Variants in SETBP1 observed in about 807,000 individuals in gnomAD.
The protein encoded by SETBP1 is SET-binding protein.
SETBP1 carries 9 observed loss-of-function variants against 101.0 expected under a neutral mutation model. The observed-to-expected ratio is 0.09, with a 90% CI of 0.05 to 0.16. The LOEUF (loss-of-function observed/expected upper bound fraction) is 0.16, where lower values mean the gene tolerates loss of function less well. Among genes scored for constraint, SETBP1 ranks in the 10% least tolerant of loss-of-function variants. The pLI is 1.00. For missense variants in SETBP1, 1,858 were observed against 2,033.8 expected (o/e 0.91, Z 1.66); for synonymous variants, 818 against 788.5 (o/e 1.04, Z -0.63).
chr18:44,951,023 A>G lies in SETBP1; in HGVS notation c.1683A>G (p.Ala561=). ...AACTGATGCTGGAGCCCCCGTCTGC[A>G]TATCCCATCACCCCATCCAGCCCTC... ...SDKLMLEPPS[A]YPITPSSPLY... The change falls in exon 4 of 6, where the codon GCA becomes GCG. Residue 561 remains alanine, a synonymous_variant. Transcript: ENST00000649279. The surrounding 1 kb of genome is among the most constrained non-coding windows in gnomAD (Gnocchi z 7.8). The G allele has an allele frequency of 6.2e-7, 1 of 1,613,992 alleles. No individual in the cohort carries two copies. The highest frequency in any genetic ancestry group is 8.5e-7 in the Non-Finnish European group (1 of 1,180,022).
intron 4 of SETBP1, among the ~76,000 whole-genome samples, chr18:45,020,646 A>G (rs1489937104): frequency 1.3e-5 from 2 of 152,208 alleles, no homozygotes; most frequent in African/African-American, 4.8e-5. Flanking sequence ...GACAAAAAGC[A>G]GTAACATGCT....
chr18:45,023,032 T>A (rs867857362), intron 4 of SETBP1, among the ~76,000 whole-genome samples: 1 of 152,144 alleles, frequency 6.6e-6, no homozygotes, highest in Non-Finnish European at 1.5e-5. Flanking sequence ...CAGTAGCTTG[T>A]AGAACTGTGA....
At chr18:44,934,901 T>C (rs971167925) in intron 3 of SETBP1, among the ~76,000 whole-genome samples, 5 of 152,188 alleles carry the variant, frequency 3.3e-5, no homozygotes, top group African/African-American at 1.2e-4. Flanking sequence ...TGCCACACTA[T>C]CTTCAGCAGG....
At chr18:44,827,520 T>C (rs1456106270) in intron 2 of SETBP1, among the ~76,000 whole-genome samples, 1 of 152,232 alleles carries the variant, frequency 6.6e-6, no homozygotes, top group African/African-American at 2.4e-5. Context: ...TTGCAACATA[T>C]ACATCTTCAC....
At chr18:44,980,966 G>T (rs1353892298) in intron 4 of SETBP1, among the ~76,000 whole-genome samples, 1 of 152,118 alleles carries the variant, frequency 6.6e-6, no homozygotes, top group Non-Finnish European at 1.5e-5. Flanking sequence ...AGAAAGAATT[G>T]CATTAAATCA....
intron 2 of SETBP1, among the ~76,000 whole-genome samples, chr18:44,711,938 T>A (rs2069357239): frequency 1.3e-5 from 2 of 152,156 alleles, no homozygotes. Flanking sequence ...TGCATTTCTC[T>A]CTGAATTCCC....
intron 2 of SETBP1, among the ~76,000 whole-genome samples, chr18:44,747,544 G>T (rs1021485634): frequency 6.6e-6 from 1 of 152,250 alleles, no homozygotes; most frequent in African/African-American, 2.4e-5. Context: ...TCCAGAGCTT[G>T]CTCTACTTTT....
chr18:44,729,580 G>C (rs995529056), intron 2 of SETBP1, among the ~76,000 whole-genome samples: 1 of 152,208 alleles, frequency 6.6e-6, no homozygotes. Flanking sequence ...AAGTCAATGT[G>C]ATTCCTGTTG....
At chr18:44,818,275 G>A (rs936987366) in intron 2 of SETBP1, among the ~76,000 whole-genome samples, 3 of 152,032 alleles carry the variant, frequency 2.0e-5, no homozygotes, top group Non-Finnish European at 4.4e-5. Flanking sequence ...TATTCATGTC[G>A]AGATTTAGAG....
intron 3 of SETBP1, among the ~76,000 whole-genome samples, chr18:44,906,826 A>C (rs2070186364): frequency 6.6e-6 from 1 of 152,036 alleles, no homozygotes; most frequent in African/African-American, 2.4e-5. Context: ...ATGCTCTTAA[A>C]CCCTTTTTTG....
chr18:44,708,185 C>T (rs2069262373), intron 2 of SETBP1, among the ~76,000 whole-genome samples: 1 of 152,122 alleles, frequency 6.6e-6, no homozygotes, highest in Non-Finnish European at 1.5e-5. Context: ...AGCCTTCTAC[C>T]CTCCTGGTGG....
chr18:45,038,446 C>CT (rs778633014), intron 4 of SETBP1, 39 bp from the exon 5 acceptor site: 1 of 1,603,532 alleles, frequency 6.2e-7, no homozygotes, highest in South Asian at 1.1e-5. Context: ...TTCCTGTTCC[C>CT]TTAAAGTGAC....
At chr18:44,896,389 G>A (rs1198452523) in intron 3 of SETBP1, among the ~76,000 whole-genome samples, 4 of 152,106 alleles carry the variant, frequency 2.6e-5, no homozygotes, top group African/African-American at 9.7e-5. Flanking sequence ...TTCATCATTA[G>A]TCTCTTCCTG....
chr18:44,889,346 A>G (rs929577071), intron 3 of SETBP1, among the ~76,000 whole-genome samples: 3 of 152,166 alleles, frequency 2.0e-5, no homozygotes, highest in African/African-American at 7.2e-5. Context: ...CTACCATCAG[A>G]GCCTTATTTA....
chr18:44,968,538 C>T (rs1176595525), intron 4 of SETBP1, among the ~76,000 whole-genome samples: 1 of 152,132 alleles, frequency 6.6e-6, no homozygotes, highest in African/African-American at 2.4e-5. Context: ...AGTAGTAGGC[C>T]TTGAGAGGGC....
Position 44,833,973 on chromosome 18 carries a change from T to C in SETBP1, c.487-35257T>C, listed in dbSNP as rs149743370. 3.9e-5 allele frequency among the ~76,000 whole-genome samples: 6 copies of C among 152,290 alleles called. No homozygotes were observed. The East Asian group carries it at 1.2e-3, about 29-fold the overall frequency. On this transcript the variant is annotated intron_variant, in intron 2 of 5. Transcript: ENST00000649279. Reference sequence around the variant, plus strand: ...GTTCTGCATAAGAAATGATTGAAAATTTTAACGTAGGTGTGGGCAGAGTAG... The same window carrying C: ...GTTCTGCATAAGAAATGATTGAAAACTTTAACGTAGGTGTGGGCAGAGTAG...
At chr18:44,902,835 G>C (rs1568208977) in intron 3 of SETBP1, among the ~76,000 whole-genome samples, 1 of 151,860 alleles carries the variant, frequency 6.6e-6, no homozygotes, top group Admixed American at 6.6e-5. Context: ...TGAAAATATG[G>C]ATCTCAAAAA....
intron 2 of SETBP1, among the ~76,000 whole-genome samples, chr18:44,828,632 C>T (rs1228103646): frequency 6.6e-6 from 1 of 152,214 alleles, no homozygotes; most frequent in East Asian, 1.9e-4. Flanking sequence ...GAAGCTTCTG[C>T]TGACTTGTGC....
At chr18:45,029,423 T>C (rs1025477501) in intron 4 of SETBP1, among the ~76,000 whole-genome samples, 3 of 152,138 alleles carry the variant, frequency 2.0e-5, no homozygotes, top group Non-Finnish European at 4.4e-5. Flanking sequence ...AGCCTTGTAG[T>C]ATAGTTTGAA....
Sources: gnomAD v4.1 joint callset for allele counts (sites outside exome capture counted in the v4.1 genomes callset) on GRCh38, gnomAD v4.1.1 for gene constraint, Gnocchi (gnomAD v3.1) non-coding constraint, MANE v1.5 for transcripts, NCBI Gene and HGNC (gene_info 2026-07-23, HGNC 2026-07-21) for gene names.